Variants in TMEM108 observed in about 807,000 individuals in gnomAD.
TMEM108 encodes transmembrane protein 108, also known as cancer/testis antigen 124.
In TMEM108, 12 loss-of-function variants were observed where a neutral mutation model predicts 35.1. The observed-to-expected ratio is 0.34, with a 90% CI of 0.22 to 0.55. TMEM108 has a LOEUF of 0.55. Among genes scored for constraint, TMEM108 ranks in the 20% least tolerant of loss-of-function variants. The pLI is 0.89. For missense variants in TMEM108, 680 were observed against 753.3 expected (o/e 0.90, Z 1.14); for synonymous variants, 287 against 308.6 (o/e 0.93, Z 0.73).
At chr3:133,100,847 G>C (rs1301305238) in intron 2 of TMEM108, among the ~76,000 whole-genome samples, 2 of 152,090 alleles carry the variant, frequency 1.3e-5, no homozygotes, top group African/African-American at 4.8e-5. Context: ...ACCCTACATT[G>C]TAGAGATAAT....
At chr3:133,302,557 G>A (rs913493487) in intron 3 of TMEM108, among the ~76,000 whole-genome samples, 6 of 151,330 alleles carry the variant, frequency 4.0e-5, no homozygotes, top group Admixed American at 3.9e-4. Flanking sequence ...GAGTAGCTGG[G>A]ACTACAGGCA....
chr3:133,094,902 G>T (rs919883340), intron 2 of TMEM108, among the ~76,000 whole-genome samples: 1 of 151,998 alleles, frequency 6.6e-6, no homozygotes, highest in Non-Finnish European at 1.5e-5. Flanking sequence ...TTCCTCTGAG[G>T]GTTTAATTTG....
chr3:133,280,883 T>C (rs570097574), intron 3 of TMEM108, among the ~76,000 whole-genome samples: 1 of 152,312 alleles, frequency 6.6e-6, no homozygotes, highest in South Asian at 2.1e-4. Flanking sequence ...CTCAAACTTA[T>C]TCACGTGGAG....
intron 2 of TMEM108, among the ~76,000 whole-genome samples, chr3:133,080,264 C>A (rs1398043962): frequency 1.3e-5 from 2 of 152,066 alleles, no homozygotes; most frequent in African/African-American, 4.8e-5. Context: ...ACATTCATTG[C>A]TGTAGAGGGT....
chr3:133,379,716 A>T, intron 3 of TMEM108, 36 bp from the exon 4 acceptor site: 1 of 1,592,440 alleles, frequency 6.3e-7, no homozygotes, highest in Non-Finnish European at 8.6e-7. Flanking sequence ...GCTGCTCCCC[A>T]AGTATTTTAC....
At chr3:133,129,350 C>A (rs1013465218) in intron 2 of TMEM108, among the ~76,000 whole-genome samples, 62 of 71,788 alleles carry the variant, frequency 8.6e-4, no homozygotes, top group Admixed American at 2.0e-3. Context: ...GCACCCACAC[C>A]CCCCCCCCCA....
intron 2 of TMEM108, among the ~76,000 whole-genome samples, chr3:133,073,663 T>A (rs1217916108): frequency 6.6e-6 from 1 of 151,508 alleles, no homozygotes; most frequent in Non-Finnish European, 1.5e-5. Flanking sequence ...TTCATTTCCT[T>A]TGGATATATA....
At chr3:133,211,718 G>A (rs544826957) in intron 2 of TMEM108, among the ~76,000 whole-genome samples, 2 of 152,238 alleles carry the variant, frequency 1.3e-5, no homozygotes, top group East Asian at 3.9e-4. Flanking sequence ...AGTGGCTGTG[G>A]AGAGCAGAAC....
intron 2 of TMEM108, among the ~76,000 whole-genome samples, chr3:133,128,930 G>A (rs1283960398): frequency 6.6e-6 from 1 of 152,066 alleles, no homozygotes; most frequent in Non-Finnish European, 1.5e-5. Context: ...ATATATTGAG[G>A]TTGTTGGCCA....
intron 1 of TMEM108, among the ~76,000 whole-genome samples, chr3:133,043,227 A>G (rs1004172732): frequency 6.6e-6 from 1 of 152,120 alleles, no homozygotes; most frequent in Non-Finnish European, 1.5e-5. Flanking sequence ...AATCTTATGT[A>G]TTTGATCTTA....
At chr3:133,246,890 TCC>T (rs1221522608) in intron 3 of TMEM108, 4 of 152,202 alleles carry the variant, frequency 2.6e-5, no homozygotes, top group African/African-American at 7.2e-5. Context: ...GGTGTGTGCA[TCC>T]CTTGGGAGAA....
At chr3:133,157,502 G>C (rs916390369) in intron 2 of TMEM108, among the ~76,000 whole-genome samples, 7 of 152,060 alleles carry the variant, frequency 4.6e-5, no homozygotes, top group African/African-American at 1.7e-4. Flanking sequence ...TATAAGTTTG[G>C]GAAAAGTAAA....
chr3:133,078,833 GA>G (rs1397686597), intron 2 of TMEM108, among the ~76,000 whole-genome samples: 2 of 152,042 alleles, frequency 1.3e-5, no homozygotes, highest in Non-Finnish European at 2.9e-5. Context: ...GATCTTGTAG[GA>G]AAAAGACTTT....
At chr3:133,193,291 C>G (rs755332492) in intron 2 of TMEM108, among the ~76,000 whole-genome samples, 17 of 152,084 alleles carry the variant, frequency 1.1e-4, no homozygotes, top group African/African-American at 1.7e-4. Flanking sequence ...CTTTTGGTCA[C>G]TTTTTAGAAA....
chr3:133,084,542 G>A (rs1018041404), intron 2 of TMEM108, among the ~76,000 whole-genome samples: 2 of 152,310 alleles, frequency 1.3e-5, no homozygotes, highest in African/African-American at 4.8e-5. Context: ...GAATGATGAA[G>A]GTACCAGCGC....
At chr3:133,055,024 T>C (rs1258545025) in intron 2 of TMEM108, among the ~76,000 whole-genome samples, 2 of 152,176 alleles carry the variant, frequency 1.3e-5, no homozygotes, top group African/African-American at 4.8e-5. Context: ...GGGATCAACT[T>C]TCTCAACCCA....
chr3:133,293,349 C>T (rs1947099433), intron 3 of TMEM108, among the ~76,000 whole-genome samples: 1 of 150,584 alleles, frequency 6.6e-6, no homozygotes, highest in Non-Finnish European at 1.5e-5. Flanking sequence ...TGTATCTGTT[C>T]CCAAGCCTAA....
chr3:133,221,895 C>T (rs1945998259), intron 2 of TMEM108, among the ~76,000 whole-genome samples: 1 of 151,934 alleles, frequency 6.6e-6, no homozygotes, highest in Non-Finnish European at 1.5e-5. Flanking sequence ...ATTACCATAG[C>T]TCTTATTATT....
chr3:133,071,738 C>T (rs1487889118), intron 2 of TMEM108, among the ~76,000 whole-genome samples: 1 of 151,876 alleles, frequency 6.6e-6, no homozygotes, highest in Non-Finnish European at 1.5e-5. Flanking sequence ...TGGATATTAC[C>T]CCTTTATCAG....
Sources: gnomAD v4.1 joint callset for allele counts (sites outside exome capture counted in the v4.1 genomes callset) on GRCh38, gnomAD v4.1.1 for gene constraint, MANE v1.5 for transcripts, NCBI Gene and HGNC (gene_info 2026-07-23, HGNC 2026-07-21) for gene names.